NRXN3: variants seen among roughly 807,000 people sequenced by gnomAD.
NRXN3 encodes neurexin III.
A neutral mutation model predicts 137.6 loss-of-function variants in NRXN3; 32 were observed. The ratio of observed to expected loss-of-function variants is 0.23; its 90% CI spans 0.18 to 0.31. The LOEUF (loss-of-function observed/expected upper bound fraction) is 0.31, where lower values mean the gene tolerates loss of function less well. NRXN3 is among the 10% of genes least tolerant of loss of function. NRXN3 has a pLI of 1.00. For synonymous variants in NRXN3, 798 were observed against 784.5 expected (o/e 1.02, Z -0.29); for missense variants, 1,574 against 2,062.5 (o/e 0.76, Z 4.59).
At chr14:79,214,690 A>G (rs778345017) in intron 15 of NRXN3, among the ~76,000 whole-genome samples, 2 of 152,176 alleles carry the variant, frequency 1.3e-5, no homozygotes, top group Non-Finnish European at 2.9e-5. Flanking sequence ...TCCTAGTTCT[A>G]TGAATAGGAT....
At chr14:79,243,736 T>G (rs2074687809) in intron 15 of NRXN3, among the ~76,000 whole-genome samples, 1 of 152,160 alleles carries the variant, frequency 6.6e-6, no homozygotes, top group African/African-American at 2.4e-5. Flanking sequence ...GGTAAGTTTT[T>G]TGTGTGTCTG....
At chr14:78,418,790 G>A (rs2093288373) in intron 4 of NRXN3, among the ~76,000 whole-genome samples, 1 of 152,202 alleles carries the variant, frequency 6.6e-6, no homozygotes. Flanking sequence ...ACCATGCCAA[G>A]CTTTTTACCT....
intron 4 of NRXN3, among the ~76,000 whole-genome samples, chr14:78,618,652 T>G (rs1292218677): frequency 6.6e-6 from 1 of 152,188 alleles, no homozygotes; most frequent in East Asian, 1.9e-4. Flanking sequence ...CTTAGCGAGC[T>G]TCCTCCATGT....
At chr14:79,077,688 A>T (rs576845759) in intron 15 of NRXN3, among the ~76,000 whole-genome samples, 9 of 152,348 alleles carry the variant, frequency 5.9e-5, no homozygotes, top group Admixed American at 5.2e-4. Flanking sequence ...GTTGTATTGC[A>T]GATCAGCCCC....
At chr14:79,679,096 T>C (rs1380396410) in intron 17 of NRXN3, among the ~76,000 whole-genome samples, 2 of 152,130 alleles carry the variant, frequency 1.3e-5, no homozygotes, top group African/African-American at 4.8e-5. Context: ...GGGTTGTCAG[T>C]TGAAATTATT....
chr14:78,655,678 C>T (rs553693934), intron 6 of NRXN3, among the ~76,000 whole-genome samples: 2 of 152,154 alleles, frequency 1.3e-5, no homozygotes, highest in East Asian at 3.9e-4. Flanking sequence ...ATAAGTATGT[C>T]TGGAATAAAT....
chr14:79,262,350 G>A (rs1205867771), intron 15 of NRXN3, among the ~76,000 whole-genome samples: 1 of 151,690 alleles, frequency 6.6e-6, no homozygotes, highest in Non-Finnish European at 1.5e-5. Flanking sequence ...GAAGCATGAG[G>A]AAGAAAAAGA....
chr14:79,570,535 G>A (rs1272705851), intron 16 of NRXN3: 1 of 152,202 alleles, frequency 6.6e-6, no homozygotes, highest in Non-Finnish European at 1.5e-5. Flanking sequence ...CAGAAAATAT[G>A]TGCGGAACAG....
chr14:78,429,352 T>A (rs1436151839), intron 4 of NRXN3, among the ~76,000 whole-genome samples: 1 of 152,188 alleles, frequency 6.6e-6, no homozygotes, highest in East Asian at 1.9e-4. Flanking sequence ...GTGCTGGGAT[T>A]ACAGGCATGA....
chr14:78,934,180 A>AAC (rs1555598397), intron 10 of NRXN3, among the ~76,000 whole-genome samples: 17 of 150,234 alleles, frequency 1.1e-4, no homozygotes, highest in African/African-American at 4.2e-4. Flanking sequence ...AAAAAAAAAA[A>AAC]CCCCAAAACC....
At chr14:79,559,573 A>G (rs940703560) in intron 16 of NRXN3, among the ~76,000 whole-genome samples, 4 of 152,192 alleles carry the variant, frequency 2.6e-5, no homozygotes, top group African/African-American at 9.6e-5. Flanking sequence ...CATAACAGAT[A>G]TAATAATAAT....
intron 16 of NRXN3, among the ~76,000 whole-genome samples, chr14:79,568,413 A>G (rs1284204105): frequency 6.6e-6 from 1 of 152,152 alleles, no homozygotes; most frequent in South Asian, 2.1e-4. Flanking sequence ...AGTGCTTAGA[A>G]CTTTCAATGA....
At chr14:78,503,863 A>G (rs1567780929) in intron 4 of NRXN3, among the ~76,000 whole-genome samples, 1 of 152,188 alleles carries the variant, frequency 6.6e-6, no homozygotes, top group Non-Finnish European at 1.5e-5. Flanking sequence ...CTTTCACTTG[A>G]AAGTGACTGA....
At chr14:79,398,454 A>C (rs1183830286) in intron 15 of NRXN3, among the ~76,000 whole-genome samples, 1 of 152,064 alleles carries the variant, frequency 6.6e-6, no homozygotes, top group Admixed American at 6.5e-5. Flanking sequence ...AAACTAACTC[A>C]TATGTACTCC....
At chr14:79,634,547 A>G (rs759353577) in intron 16 of NRXN3, among the ~76,000 whole-genome samples, 2 of 152,220 alleles carry the variant, frequency 1.3e-5, no homozygotes, top group African/African-American at 2.4e-5. Context: ...CTAAAGCAAG[A>G]ACTGTAAAAC....
At chr14:78,456,060 T>C (rs937359290) in intron 4 of NRXN3, among the ~76,000 whole-genome samples, 1 of 152,224 alleles carries the variant, frequency 6.6e-6, no homozygotes, top group African/African-American at 2.4e-5. Flanking sequence ...GCCCCTGTTG[T>C]CCATCCTGCC....
intron 15 of NRXN3, among the ~76,000 whole-genome samples, chr14:79,091,621 G>A (rs1180993145): frequency 3.3e-5 from 5 of 152,168 alleles, no homozygotes; most frequent in Admixed American, 3.3e-4. Flanking sequence ...TGCATGCTGA[G>A]GGTATTATTG....
At chr14:78,449,053 G>T (rs1303301369) in intron 4 of NRXN3, among the ~76,000 whole-genome samples, 1 of 152,132 alleles carries the variant, frequency 6.6e-6, no homozygotes, top group African/African-American at 2.4e-5. Context: ...AGGTAAAGAA[G>T]AAAACAAATT....
rs2075311408 is a variant in NRXN3 at position 78,287,553 on chromosome 14, G to T, written c.727+8891G>T. 2.0e-5 allele frequency among the ~76,000 whole-genome samples: 3 copies of T among 152,226 alleles called. No homozygotes were observed. The South Asian group carries it at 6.2e-4, about 32-fold the overall frequency. On this transcript the variant is annotated intron_variant, in intron 3 of 20. Transcript: ENST00000335750. Reference sequence around the variant, plus strand: ...CCTAATTTTTGAATCTCTTCTGTAAGAGTTGATTCAGACTTGGCTTGGACC... The same window carrying T: ...CCTAATTTTTGAATCTCTTCTGTAATAGTTGATTCAGACTTGGCTTGGACC...
Sources: gnomAD v4.1 joint callset for allele counts (sites outside exome capture counted in the v4.1 genomes callset) on GRCh38, gnomAD v4.1.1 for gene constraint, MANE v1.5 for transcripts, NCBI Gene and HGNC (gene_info 2026-07-23, HGNC 2026-07-21) for gene names.